Variants in GABRA4 observed in about 807,000 individuals in gnomAD.
GABRA4 encodes the protein gamma-aminobutyric acid type A receptor subunit alpha4.
GABRA4 carries 12 observed loss-of-function variants against 49.7 expected under a neutral mutation model. The observed-to-expected ratio is 0.24, with a 90% CI of 0.15 to 0.39. GABRA4 has a LOEUF of 0.39. Ranked by LOEUF, GABRA4 falls within the 10% of genes least tolerant of loss-of-function variation. The probability of loss-of-function intolerance (pLI) is 1.00; values close to 1 mark genes in which losing one functional copy is unlikely to be tolerated. For synonymous variants in GABRA4, 288 were observed against 240.2 expected (o/e 1.20, Z -1.84); for missense variants, 506 against 686.0 (o/e 0.74, Z 2.93).
At chr4:46,929,369 C>T (rs1222356100) in intron 8 of GABRA4, among the ~76,000 whole-genome samples, 1 of 151,902 alleles carries the variant, frequency 6.6e-6, no homozygotes, top group African/African-American at 2.4e-5. Context: ...TTATTTTTCA[C>T]TTCAATTAAT....
chr4:46,951,037 A>G (rs1405942678), intron 8 of GABRA4, among the ~76,000 whole-genome samples: 1 of 152,024 alleles, frequency 6.6e-6, no homozygotes, highest in South Asian at 2.1e-4. Flanking sequence ...GGAGACAGAG[A>G]CAACCGGCAT....
At chr4:46,948,074 C>T (rs2109354844) in intron 8 of GABRA4, among the ~76,000 whole-genome samples, 1 of 152,208 alleles carries the variant, frequency 6.6e-6, no homozygotes, top group Non-Finnish European at 1.5e-5. Flanking sequence ...CCACACTGGG[C>T]TGCATTCTTT....
intron 2 of GABRA4, among the ~76,000 whole-genome samples, chr4:46,989,626 A>T (rs1321906148): frequency 1.3e-5 from 2 of 152,226 alleles, no homozygotes; most frequent in African/African-American, 4.8e-5. Flanking sequence ...TATGTAATTT[A>T]GTTTCCAAAT....
chr4:46,959,758 CAAAAA>C (rs67861758), intron 8 of GABRA4, among the ~76,000 whole-genome samples: 7 of 82,692 alleles, frequency 8.5e-5, no homozygotes, highest in South Asian at 4.8e-4. Flanking sequence ...CATCACTTTG[CAAAAA>C]AAAAAAAAAA....
chr4:46,961,837 G>A (rs190644937), intron 8 of GABRA4, among the ~76,000 whole-genome samples: 1 of 151,930 alleles, frequency 6.6e-6, no homozygotes, highest in African/African-American at 2.4e-5. Flanking sequence ...AGTAGTGGAG[G>A]AAGAAGAAGA....
intron 3 of GABRA4, among the ~76,000 whole-genome samples, chr4:46,977,905 T>A (rs1323755687): frequency 6.6e-6 from 1 of 152,064 alleles, no homozygotes; most frequent in Non-Finnish European, 1.5e-5. Context: ...TGCTATAATT[T>A]AAGAAAACTG....
intron 8 of GABRA4, among the ~76,000 whole-genome samples, chr4:46,960,542 A>C (rs549721204): frequency 0.026 from 3,882 of 151,836 alleles, 66 homozygotes; most frequent in Middle Eastern, 0.073. Context: ...TATAGGTAAT[A>C]CTTCTGAACA....
chr4:46,961,698 G>A (rs1034978452), intron 8 of GABRA4, among the ~76,000 whole-genome samples: 16 of 151,894 alleles, frequency 1.1e-4, no homozygotes, highest in African/African-American at 3.9e-4. Flanking sequence ...AACAAAGGGA[G>A]TCTTAGACTA....
intron 8 of GABRA4, among the ~76,000 whole-genome samples, chr4:46,935,383 G>A (rs1034247228): frequency 6.6e-6 from 1 of 152,164 alleles, no homozygotes; most frequent in African/African-American, 2.4e-5. Flanking sequence ...TTAGCTTAAT[G>A]TCTAGCACAT....
intron 5 of GABRA4, among the ~76,000 whole-genome samples, chr4:46,974,759 T>C (rs575506788): frequency 9.9e-5 from 15 of 152,076 alleles, no homozygotes; most frequent in Non-Finnish European, 1.6e-4. Flanking sequence ...TCACTTCCAA[T>C]GCTTGACCAA....
intron 8 of GABRA4, among the ~76,000 whole-genome samples, chr4:46,930,835 G>GT (rs768882276): frequency 7.5e-4 from 111 of 147,890 alleles, no homozygotes; most frequent in Non-Finnish European, 1.1e-3. Flanking sequence ...TAAAACAAAT[G>GT]CAAAAAAAAA....
Position 46,923,014 on chromosome 4 carries a change from A to T in GABRA4, c.*5211T>A, listed in dbSNP as rs1029376819. 2 of 152,070 alleles carry T rather than the reference A, an allele frequency of 1.3e-5. No homozygotes were observed. The highest frequency in any genetic ancestry group is 4.8e-5 in the African/African-American group (2 of 41,400). 9.4% of individuals were successfully genotyped at this position (152,070 alleles called of 1,614,324 possible). On this transcript the variant is annotated 3_prime_UTR_variant, in exon 9 of 9. Transcript: ENST00000264318. Reference sequence around the variant, plus strand: ...ATTAGATTCTCATAGGAGGGCATGCAAGGTTGTCCGCTCCTTATGAGAATC... The same window carrying T: ...ATTAGATTCTCATAGGAGGGCATGCTAGGTTGTCCGCTCCTTATGAGAATC...
chr4:46,934,398 A>G (rs1306461027), intron 8 of GABRA4, among the ~76,000 whole-genome samples: 3 of 152,196 alleles, frequency 2.0e-5, no homozygotes, highest in African/African-American at 4.8e-5. Context: ...AGAACGTGCT[A>G]CACGTAGAAA....
chr4:46,949,792 CTG>C (rs1156828250), intron 8 of GABRA4, among the ~76,000 whole-genome samples: 1 of 151,924 alleles, frequency 6.6e-6, no homozygotes, highest in Non-Finnish European at 1.5e-5. Flanking sequence ...ATAAGAAACA[CTG>C]TGGGAAAATA....
intron 2 of GABRA4, among the ~76,000 whole-genome samples, chr4:46,979,771 C>T (rs1290033584): frequency 2.0e-5 from 3 of 152,096 alleles, no homozygotes; most frequent in East Asian, 3.9e-4. Context: ...AAATAAGATG[C>T]TCAGCAAAAC....
intron 2 of GABRA4, among the ~76,000 whole-genome samples, chr4:46,982,100 C>T (rs932005332): frequency 6.6e-6 from 1 of 152,056 alleles, no homozygotes; most frequent in Non-Finnish European, 1.5e-5. Context: ...TTTTAAGCAA[C>T]ATACTTATAA....
At chr4:46,970,788 AC>A (rs1300417030) in intron 7 of GABRA4, among the ~76,000 whole-genome samples, 6 of 151,574 alleles carry the variant, frequency 4.0e-5, no homozygotes, top group African/African-American at 1.5e-4. Flanking sequence ...ACAGCATTAT[AC>A]TAGGAGCCCA....
chr4:46,986,651 T>C (rs752025016), intron 2 of GABRA4, among the ~76,000 whole-genome samples: 1 of 152,102 alleles, frequency 6.6e-6, no homozygotes, highest in African/African-American at 2.4e-5. Flanking sequence ...GCTTTAAATA[T>C]CATGTATATT....
chr4:46,936,680 T>C (rs1191420034), intron 8 of GABRA4, among the ~76,000 whole-genome samples: 1 of 152,202 alleles, frequency 6.6e-6, no homozygotes, highest in African/African-American at 2.4e-5. Flanking sequence ...TCATTATGTA[T>C]GAAAAGACAT....
Sources: gnomAD v4.1 joint callset for allele counts (sites outside exome capture counted in the v4.1 genomes callset) on GRCh38, gnomAD v4.1.1 for gene constraint, MANE v1.5 for transcripts, NCBI Gene and HGNC (gene_info 2026-07-23, HGNC 2026-07-21) for gene names.